MACROD2: variants seen among roughly 807,000 people sequenced by gnomAD.
MACROD2 encodes the protein ADP-ribose glycohydrolase MACROD2.
MACROD2 carries 36 observed loss-of-function variants against 70.4 expected under a neutral mutation model. The ratio of observed to expected loss-of-function variants is 0.51; its 90% CI spans 0.39 to 0.68. MACROD2 has a LOEUF of 0.68. MACROD2 is among the 30% of genes least tolerant of loss of function. The pLI is 0.00. For synonymous variants in MACROD2, 172 were observed against 178.8 expected, an observed-to-expected ratio of 0.96 and a Z score of 0.30; for missense variants, 496 against 538.4, an observed-to-expected ratio of 0.92 and a Z score of 0.78.
chr20:14,473,049 A>G (rs888817618), intron 3 of MACROD2, among the ~76,000 whole-genome samples: 5 of 152,126 alleles, frequency 3.3e-5, no homozygotes, highest in Admixed American at 6.5e-5. Context: ...TAATTGACAC[A>G]TAGTAATTAT....
intron 2 of MACROD2, among the ~76,000 whole-genome samples, chr20:14,074,192 T>A (rs2053886720): frequency 6.6e-6 from 1 of 152,222 alleles, no homozygotes; most frequent in Non-Finnish European, 1.5e-5. Flanking sequence ...CACTTGTTCC[T>A]GCTGTATTTG....
chr20:15,354,704 A>G (rs868672687), intron 6 of MACROD2, among the ~76,000 whole-genome samples: 1 of 152,212 alleles, frequency 6.6e-6, no homozygotes, highest in East Asian at 1.9e-4. Context: ...ATATGAAGCT[A>G]CTTTATTCTC....
At chr20:14,012,104 G>T (rs763052732) in intron 2 of MACROD2, among the ~76,000 whole-genome samples, 1 of 151,676 alleles carries the variant, frequency 6.6e-6, no homozygotes, top group Non-Finnish European at 1.5e-5. Context: ...ATGGGGTTTC[G>T]CCACGTTGGC....
chr20:14,227,119 T>C (rs1378119968), intron 3 of MACROD2, among the ~76,000 whole-genome samples: 1 of 152,126 alleles, frequency 6.6e-6, no homozygotes, highest in Non-Finnish European at 1.5e-5. Context: ...CAATCTATAC[T>C]CTGTATCTAG....
intron 1 of MACROD2, among the ~76,000 whole-genome samples, chr20:14,000,610 T>C (rs1177449853): frequency 2.0e-5 from 3 of 152,158 alleles, no homozygotes; most frequent in African/African-American, 7.2e-5. Flanking sequence ...GTGGAGACCA[T>C]TGGTATGGTA....
chr20:14,886,355 G>A (rs530048664), intron 5 of MACROD2, among the ~76,000 whole-genome samples: 18 of 152,292 alleles, frequency 1.2e-4, no homozygotes, highest in Admixed American at 8.5e-4. Flanking sequence ...AAGAGAAGAT[G>A]AGGTCAGATA....
At chr20:15,140,688 A>G (rs421292) in intron 5 of MACROD2, among the ~76,000 whole-genome samples, 88,347 of 151,960 alleles carry the variant, frequency 0.58, 25,774 homozygotes, top group East Asian at 0.6. Context: ...ATGGTCTGGG[A>G]AGGAAATGGG....
intron 8 of MACROD2, among the ~76,000 whole-genome samples, chr20:15,554,155 C>A (rs2048134411): frequency 6.6e-6 from 1 of 152,106 alleles, no homozygotes; most frequent in Non-Finnish European, 1.5e-5. Context: ...AGGCTTAGTA[C>A]TTATTTGGTA....
intron 5 of MACROD2, among the ~76,000 whole-genome samples, chr20:15,208,599 C>T (rs1004864839): frequency 2.0e-5 from 3 of 152,126 alleles, no homozygotes; most frequent in African/African-American, 7.2e-5. Flanking sequence ...ATTACAACTG[C>T]CATGTTGTAG....
chr20:14,388,670 G>A (rs1157422070), intron 3 of MACROD2, among the ~76,000 whole-genome samples: 1 of 152,008 alleles, frequency 6.6e-6, no homozygotes, highest in African/African-American at 2.4e-5. Context: ...GAACTAGCAG[G>A]CCATCTGCAG....
At position 14,806,775 on chromosome 20, in the gene MACROD2, G is replaced by C. The variant is rs749301342; in HGVS notation, c.418+121816G>C. On this transcript the variant is annotated intron_variant, in intron 5 of 17. Coordinates refer to ENST00000684519, the MANE Select transcript of MACROD2 (RefSeq NM_001351661.2). Reference sequence around the variant, plus strand: ...TGGGGGAGGGGCATCCATCATTACTGAGGCTTGAGTAGGCGGTTTTCCCCT... The same window carrying C: ...TGGGGGAGGGGCATCCATCATTACTCAGGCTTGAGTAGGCGGTTTTCCCCT... Among the ~76,000 whole-genome samples, 100 of 152,076 alleles carry C rather than the reference G, an allele frequency of 6.6e-4. 2 individuals are homozygous for C. Among genetic ancestry groups the C allele is most frequent in the Non-Finnish European group, 1.0e-3 (70 of 67,988 alleles).
rs1003071878 is a variant in MACROD2 at position 14,341,454 on chromosome 20, G to A, written c.272-152025G>A. Among the ~76,000 whole-genome samples the A allele has an allele frequency of 5.3e-5, 8 of 152,204 alleles. No individual in the cohort carries two copies. In the South Asian group the frequency reaches 1.2e-3, roughly 24 times the overall value. ...GGAGTTTGAGACCAGCCTGGTTAAC[G>A]TGGTGAAACCCCGTTTCTAGTAAAA... On this transcript the variant is annotated intron_variant, in intron 3 of 17. Coordinates refer to ENST00000684519, the MANE Select transcript of MACROD2 (RefSeq NM_001351661.2).
intron 3 of MACROD2, among the ~76,000 whole-genome samples, chr20:14,474,731 G>C (rs1160384490): frequency 6.6e-6 from 1 of 151,600 alleles, no homozygotes; most frequent in African/African-American, 2.4e-5. Context: ...ATATATTTTT[G>C]TTGCTTTTCA....
intron 3 of MACROD2, among the ~76,000 whole-genome samples, chr20:14,285,456 G>C (rs2082336260): frequency 6.6e-6 from 1 of 152,006 alleles, no homozygotes; most frequent in Admixed American, 6.6e-5. Flanking sequence ...TTTTGGATTA[G>C]GGCTGCTTAA....
chr20:14,468,509 C>CT (rs1462965973), intron 3 of MACROD2, among the ~76,000 whole-genome samples: 5 of 72,504 alleles, frequency 6.9e-5, no homozygotes, highest in Non-Finnish European at 1.4e-4. Context: ...CTCTGTGTGT[C>CT]TTTTTTTGGG....
At chr20:14,802,769 T>C (rs1025043861) in intron 5 of MACROD2, among the ~76,000 whole-genome samples, 1 of 56,764 alleles carries the variant, frequency 1.8e-5, no homozygotes, top group African/African-American at 5.8e-5. Flanking sequence ...AGCACACACA[T>C]ACACACATAC....
chr20:15,501,031 A>C (rs1026787127), intron 8 of MACROD2, among the ~76,000 whole-genome samples: 1 of 152,196 alleles, frequency 6.6e-6, no homozygotes, highest in Admixed American at 6.5e-5. Flanking sequence ...TGTTATCTTC[A>C]TCTGCATTTG....
intron 6 of MACROD2, among the ~76,000 whole-genome samples, chr20:15,298,836 A>G (rs1261415649): frequency 4.6e-5 from 7 of 152,172 alleles, no homozygotes; most frequent in African/African-American, 1.7e-4. Context: ...ATATGAGCTC[A>G]TTTAATCTTT....
chr20:14,763,645 G>A (rs182283418), intron 5 of MACROD2, among the ~76,000 whole-genome samples: 1 of 152,182 alleles, frequency 6.6e-6, no homozygotes, highest in African/African-American at 2.4e-5. Flanking sequence ...GAAGGAAAAG[G>A]ATTTAAAGAT....
Sources: gnomAD v4.1 joint callset for allele counts (sites outside exome capture counted in the v4.1 genomes callset) on GRCh38, gnomAD v4.1.1 for gene constraint, MANE v1.5 for transcripts, NCBI Gene and HGNC (gene_info 2026-07-23, HGNC 2026-07-21) for gene names.